Variants in LRCH3 observed in about 807,000 individuals in gnomAD.
LRCH3 encodes DISP complex protein LRCH3.
Under a neutral mutation model 104.5 loss-of-function variants are expected in LRCH3, and 68 were observed. The observed-to-expected ratio is 0.65, with a 90% CI of 0.54 to 0.80. LRCH3 has a LOEUF of 0.80. Among genes scored for constraint, LRCH3 ranks in the 30% least tolerant of loss-of-function variants. LRCH3 has a pLI of 0.00. For synonymous variants in LRCH3, 344 were observed against 361.3 expected, an observed-to-expected ratio of 0.95 and a Z score of 0.54; for missense variants, 951 against 953.9, an observed-to-expected ratio of 1.00 and a Z score of 0.04.
intron 17 of LRCH3, among the ~76,000 whole-genome samples, chr3:197,869,892 C>A: frequency 6.6e-6 from 1 of 150,432 alleles, no homozygotes; most frequent in Non-Finnish European, 1.5e-5. Flanking sequence ...ATGCAGTGTA[C>A]CTGCAGGAGG....
intron 20 of LRCH3, among the ~76,000 whole-genome samples, chr3:197,879,515 G>C (rs2015231): frequency 8.7e-5 from 13 of 148,620 alleles, no homozygotes; most frequent in Non-Finnish European, 1.3e-4. Flanking sequence ...GCGTGGTGGC[G>C]GGCGCCTGTA....
intron 6 of LRCH3, 119 bp downstream of exon 6, chr3:197,829,792 T>C (rs571245734): frequency 1.9e-5 from 13 of 675,944 alleles, no homozygotes; most frequent in Admixed American, 9.4e-5. Flanking sequence ...AACACTGTTA[T>C]TCTCAGAATG....
chr3:197,872,628 T>C (rs1374471557), intron 19 of LRCH3, among the ~76,000 whole-genome samples: 1 of 152,130 alleles, frequency 6.6e-6, no homozygotes, highest in African/African-American at 2.4e-5. Context: ...AGCCCGAGGC[T>C]GGTGGATCAC....
At chr3:197,869,526 A>C (rs943545424) in intron 17 of LRCH3, among the ~76,000 whole-genome samples, 2 of 148,332 alleles carry the variant, frequency 1.3e-5, no homozygotes, top group African/African-American at 5.1e-5. Flanking sequence ...AAAGCCGTGC[A>C]CTGTACCTGC....
chr3:197,847,764 C>T (rs977273628), intron 11 of LRCH3, 108 bp from the exon 12 acceptor site: 3 of 945,194 alleles, frequency 3.2e-6, no homozygotes, highest in Non-Finnish European at 4.2e-6. Flanking sequence ...TAGGTGACTT[C>T]AAAGCAAAAG....
chr3:197,878,619 C>T (rs530432239), intron 20 of LRCH3, among the ~76,000 whole-genome samples: 134 of 152,324 alleles, frequency 8.8e-4, no homozygotes, highest in Middle Eastern at 3.4e-3. Context: ...GTCCCCACCA[C>T]AACCACTGCC....
chr3:197,855,102 GATT>G lies in LRCH3; in HGVS notation c.1644+658_1644+660del, dbSNP rs1419655413. ...TTTCTTTCCCCATCATGTTTTATGT[GATT>G]GTTTTCATAGTAGTACGTTCAGAGG... is the stretch of plus-strand genomic sequence containing the variant. On this transcript the variant is annotated intron_variant, in intron 14 of 20. Coordinates refer to ENST00000425562, the MANE Select transcript of LRCH3 (RefSeq NM_001365715.1). Among the ~76,000 whole-genome samples the G allele has an allele frequency of 2.0e-5, 3 of 152,188 alleles. No individual in the cohort carries two copies. The East Asian group carries it at 5.8e-4, about 29-fold the overall frequency.
chr3:197,869,802 C>G (rs1020137371), intron 17 of LRCH3, among the ~76,000 whole-genome samples: 1 of 139,902 alleles, frequency 7.1e-6, no homozygotes, highest in Non-Finnish European at 1.5e-5. Context: ...ATGCACTGTA[C>G]CTGCAGGAGG....
intron 15 of LRCH3, among the ~76,000 whole-genome samples, chr3:197,864,656 A>G (rs1176708696): frequency 6.6e-6 from 1 of 150,896 alleles, no homozygotes; most frequent in Non-Finnish European, 1.5e-5. Flanking sequence ...TTGGCTTTTA[A>G]AAATACAGAA....
rs147306215 is a variant in LRCH3 at position 197,844,872 on chromosome 3, G to A, written c.1329-2537G>A. On this transcript the variant is annotated intron_variant, in intron 10 of 20. Coordinates refer to ENST00000425562, the MANE Select transcript of LRCH3 (RefSeq NM_001365715.1). Reference sequence around the variant, plus strand: ...CCTGACTTTGTGATCCGCCCGCCTCGGCCTCCCAAAGAAGTGCTGGGATTA... The same window carrying A: ...CCTGACTTTGTGATCCGCCCGCCTCAGCCTCCCAAAGAAGTGCTGGGATTA... Among the ~76,000 whole-genome samples the A allele has an allele frequency of 4.2e-3, 645 of 152,068 alleles. 3 individuals carry two copies. Among genetic ancestry groups the A allele is most frequent in the Non-Finnish European group, 6.8e-3 (464 of 67,972 alleles).
At position 197,886,746 on chromosome 3, in the gene LRCH3, A is replaced by G. The variant is rs925874084; in HGVS notation, c.*3080A>G. The G allele has an allele frequency of 2.8e-5, 4 of 143,336 alleles. No homozygotes were observed. Among genetic ancestry groups the G allele is most frequent in the African/African-American group, 7.8e-5 (3 of 38,646 alleles). 8.9% of individuals were successfully genotyped at this position (143,336 alleles called of 1,614,324 possible). Reference sequence around the variant, plus strand: ...CTTCAACCTGGAAGCCGAAGGTTGCAGTGGGCTGAGATTGTGCCACTGCAC... The same window carrying G: ...CTTCAACCTGGAAGCCGAAGGTTGCGGTGGGCTGAGATTGTGCCACTGCAC... On this transcript the variant is annotated 3_prime_UTR_variant, in exon 21 of 21. Coordinates refer to ENST00000425562, the MANE Select transcript of LRCH3 (RefSeq NM_001365715.1).
chr3:197,852,718 T>C, intron 13 of LRCH3, 98 bp downstream of exon 13: 1 of 1,260,160 alleles, frequency 7.9e-7, no homozygotes, highest in Non-Finnish European at 1.2e-6. Context: ...GCTCGGAATA[T>C]TGCCATTTTT....
chr3:197,882,462 A>G, intron 20 of LRCH3: 3 of 948,038 alleles, frequency 3.2e-6, no homozygotes, highest in Non-Finnish European at 3.8e-6. Flanking sequence ...CTTGTTATAT[A>G]TTTTATTGTA....
In LRCH3 at chr3:197,829,478, G is replaced by A. The variant is rs987693317; in HGVS notation, c.778-86G>A. ...GATAGAAATGCCTCCCTTTCCCAATGTATGTTACATAAAATGTTGATATGA... is the reference window on the plus strand; with the variant it reads ...GATAGAAATGCCTCCCTTTCCCAATATATGTTACATAAAATGTTGATATGA... On this transcript the variant is annotated intron_variant, in intron 5 of 20. Transcript: ENST00000425562. 8.0e-6 allele frequency: 6 copies of A among 747,558 alleles called. No homozygotes were observed. In the African/African-American group the frequency reaches 1.1e-4, roughly 13 times the overall value. The allele number at this position is 747,558 out of a possible 1,614,324, so 46.3% of individuals were successfully genotyped here.
chr3:197,795,648 A>G (rs1731104678), intron 1 of LRCH3, among the ~76,000 whole-genome samples: 1 of 148,772 alleles, frequency 6.7e-6, no homozygotes, highest in African/African-American at 2.5e-5. Context: ...TGAGCTAATA[A>G]ATTCTTCTTT....
chr3:197,827,285 C>T (rs557723716), intron 5 of LRCH3, among the ~76,000 whole-genome samples: 7 of 151,956 alleles, frequency 4.6e-5, no homozygotes, highest in African/African-American at 1.4e-4. Context: ...ATAGTGGAAG[C>T]ATCAGGTAAA....
intron 1 of LRCH3, among the ~76,000 whole-genome samples, chr3:197,800,954 G>C (rs193299779): frequency 0.017 from 2,572 of 152,156 alleles, 32 homozygotes; most frequent in Non-Finnish European, 0.026. Flanking sequence ...AATTAGCCGG[G>C]TGTGGTGGCG....
intron 4 of LRCH3, chr3:197,823,174 TGGCCA>T (rs1734702280): frequency 6.6e-6 from 1 of 151,086 alleles, no homozygotes; most frequent in Non-Finnish European, 1.5e-5. Context: ...TTCATTATGT[TGGCCA>T]GGCTGGTCTC....
rs545802190 is a variant in LRCH3 at position 197,826,907 on chromosome 3, G to A, written c.670G>A (p.Asp224Asn). 56 of 1,614,014 alleles carry A rather than the reference G, an allele frequency of 3.5e-5. No homozygotes were observed. The Admixed American group carries it at 3.8e-4, about 11-fold the overall frequency. ...ELAELPLIRL[D>N]FSCNKITTIP... ...GGCGGAGTTGCCTTTGATACGGTTA[G>A]ACTTCTCATGCAATAAAATTACCAC... The change falls in exon 5 of 21, where the codon GAC becomes AAC. Residue 224 changes from aspartate to asparagine, a missense_variant. Physicochemically the swap from Asp to Asn is conservative, Grantham distance 23. Coordinates refer to ENST00000425562, the MANE Select transcript of LRCH3 (RefSeq NM_001365715.1).
Sources: gnomAD v4.1 joint callset for allele counts (sites outside exome capture counted in the v4.1 genomes callset) on GRCh38, gnomAD v4.1.1 for gene constraint, MANE v1.5 for transcripts, NCBI Gene and HGNC (gene_info 2026-07-23, HGNC 2026-07-21) for gene names.